Variants in SEPTIN6 observed in about 807,000 individuals in gnomAD.
SEPTIN6 encodes septin 6.
A neutral mutation model predicts 33.6 loss-of-function variants in SEPTIN6; 8 were observed. The ratio of observed to expected loss-of-function variants is 0.24; its 90% CI spans 0.14 to 0.43. SEPTIN6 has a LOEUF of 0.43. Ranked by LOEUF, SEPTIN6 falls within the 20% of genes least tolerant of loss-of-function variation. The probability of loss-of-function intolerance (pLI) is 1.00; values close to 1 mark genes in which losing one functional copy is unlikely to be tolerated. For missense variants in SEPTIN6, 250 were observed against 340.8 expected (o/e 0.73, Z 2.10); for synonymous variants, 131 against 140.0 (o/e 0.94, Z 0.45).
chrX:119,629,278 G>A (rs753702514), intron 9 of SEPTIN6, 40 bp downstream of exon 9: 2 of 1,176,231 alleles, frequency 1.7e-6, no homozygotes, highest in Non-Finnish European at 2.3e-6. Context: ...ATGAGCAGGA[G>A]GAAAGAGAAG....
chrX:119,632,248 T>C (rs1204496648), intron 8 of SEPTIN6, among the ~76,000 whole-genome samples: 4 of 107,913 alleles, frequency 3.7e-5, no homozygotes, highest in Non-Finnish European at 7.7e-5. Flanking sequence ...CAGGCTGGAG[T>C]ACAGTGGCGC....
chrX:119,648,585 G>A (rs1168425811), intron 5 of SEPTIN6, among the ~76,000 whole-genome samples: 2 of 111,634 alleles, frequency 1.8e-5, no homozygotes, highest in African/African-American at 6.5e-5. Flanking sequence ...GCTCCAGATA[G>A]CCTTACCCTT....
intron 1 of SEPTIN6, among the ~76,000 whole-genome samples, chrX:119,683,824 G>A (rs2055004639): frequency 9.0e-6 from 1 of 111,584 alleles, no homozygotes; most frequent in African/African-American, 3.3e-5. Flanking sequence ...CAACCAAAAA[G>A]GTGCCTGACA....
chrX:119,636,568 G>C (rs1407267497), intron 7 of SEPTIN6, among the ~76,000 whole-genome samples: 4 of 111,603 alleles, frequency 3.6e-5, no homozygotes, highest in Non-Finnish European at 7.5e-5. Context: ...ATCTGGGTTT[G>C]AGAATGGGGA....
In SEPTIN6 at chrX:119,657,227, A is replaced by C. The variant is rs567412364; in HGVS notation, c.342-4187T>G. On this transcript the variant is annotated intron_variant, in intron 3 of 10. Transcript: ENST00000394610. ...GAGTGAGATTCCGTCTCAAAAAAAA[A>C]AAAAACAAAACAAAAAAACTGTGCC... is the stretch of plus-strand genomic sequence containing the variant. Among the ~76,000 whole-genome samples, 56 of 109,258 alleles carry C rather than the reference A, an allele frequency of 5.1e-4. 1 individual carries two copies. In the South Asian group the frequency reaches 0.021, roughly 41 times the overall value. The allele number at this position is 109,258 out of a possible 115,157, so 94.9% of individuals were successfully genotyped here. A position where few individuals can be genotyped will look rare whatever the true frequency, so the allele number is the denominator to read the frequency against.
At chrX:119,665,909 G>A (rs773245767) in intron 2 of SEPTIN6, among the ~76,000 whole-genome samples, 13 of 109,814 alleles carry the variant, frequency 1.2e-4, no homozygotes, top group East Asian at 8.6e-4. Context: ...GTGAAACCCC[G>A]TCTCTACTAA....
intron 6 of SEPTIN6, among the ~76,000 whole-genome samples, chrX:119,640,168 C>CCTT (rs2054133271): frequency 5.0e-5 from 1 of 20,174 alleles, no homozygotes; most frequent in Non-Finnish European, 8.3e-5. Flanking sequence ...ACTATCCAGT[C>CCTT]TTTTTTTTTT....
In SEPTIN6 at chrX:119,669,418, G is replaced by C. The variant is rs377186105; in HGVS notation, c.146-5741C>G. ...AGAGAAACGTCTCTGAGTTCAACAG[G>C]GAGGTGCCCAAAAGGAAACATTCCA... is the stretch of plus-strand genomic sequence containing the variant. On this transcript the variant is annotated intron_variant, in intron 2 of 10. Transcript: ENST00000394610. Among the ~76,000 whole-genome samples, 5 of 112,369 alleles carry C rather than the reference G, an allele frequency of 4.4e-5. No individual in the cohort carries two copies. In the South Asian group the frequency reaches 1.8e-3, roughly 41 times the overall value.
chrX:119,683,630 A>C (rs1460491488), intron 1 of SEPTIN6, among the ~76,000 whole-genome samples: 1 of 112,589 alleles, frequency 8.9e-6, no homozygotes, highest in Non-Finnish European at 1.9e-5. Context: ...AAATAATGTC[A>C]GTGATTTCTT....
chrX:119,688,615 G>A (rs1291447014), intron 1 of SEPTIN6, among the ~76,000 whole-genome samples: 16 of 108,016 alleles, frequency 1.5e-4, no homozygotes, highest in Non-Finnish European at 2.9e-4. Flanking sequence ...GCTGAGGCAG[G>A]ATAATTTCTT....
At chrX:119,624,714 T>C in intron 10 of SEPTIN6, among the ~76,000 whole-genome samples, 1 of 110,725 alleles carries the variant, frequency 9.0e-6, no homozygotes, top group East Asian at 2.8e-4. Flanking sequence ...TGGTTATAGC[T>C]CCTTTTGTTT....
At chrX:119,637,548 T>A (rs1205886897) in intron 6 of SEPTIN6, among the ~76,000 whole-genome samples, 2 of 108,429 alleles carry the variant, frequency 1.8e-5, no homozygotes, top group Non-Finnish European at 3.8e-5. Context: ...CACTCATCCA[T>A]CCATCCATCT....
chrX:119,677,405 G>A (rs1350418034), intron 1 of SEPTIN6, among the ~76,000 whole-genome samples: 1 of 112,312 alleles, frequency 8.9e-6, no homozygotes, highest in African/African-American at 3.2e-5. Flanking sequence ...GGGGAGGGGA[G>A]GGGACAGGGG....
chrX:119,633,588 C>T (rs1374435393), intron 7 of SEPTIN6, 96 bp from the exon 8 acceptor site: 1 of 1,051,286 alleles, frequency 9.5e-7, no homozygotes, highest in Admixed American at 3.0e-5. Flanking sequence ...TCTGTCCTCC[C>T]TTCCCCAGTT....
chrX:119,687,468 C>G (rs2147662977), intron 1 of SEPTIN6, among the ~76,000 whole-genome samples: 1 of 110,938 alleles, frequency 9.0e-6, no homozygotes, highest in East Asian at 2.8e-4. Flanking sequence ...CCAGAATGGT[C>G]TGGATCTCCT....
intron 1 of SEPTIN6, among the ~76,000 whole-genome samples, chrX:119,685,672 T>A (rs1311006605): frequency 9.0e-6 from 1 of 111,099 alleles, no homozygotes; most frequent in African/African-American, 3.3e-5. Context: ...AAAAGCTGAC[T>A]CAAGTGGCAC....
chrX:119,684,268 A>G (rs1013685525), intron 1 of SEPTIN6, among the ~76,000 whole-genome samples: 35 of 111,046 alleles, frequency 3.2e-4, no homozygotes, highest in African/African-American at 1.1e-3. Context: ...TTATTATTAC[A>G]TATTATATAT....
intron 1 of SEPTIN6, 61 bp downstream of exon 1, chrX:119,693,015 G>A (rs1238018420): frequency 7.1e-6 from 8 of 1,123,393 alleles, no homozygotes; most frequent in Non-Finnish European, 9.6e-6. Context: ...GCGGCGGCCA[G>A]GTCTCCTTGA....
chrX:119,686,686 C>T (rs754915235), intron 1 of SEPTIN6: 31 of 727,512 alleles, frequency 4.3e-5, no homozygotes, highest in Admixed American at 9.4e-5. Context: ...ATTTATTCTG[C>T]GCCCCCCACT....
Sources: allele counts gnomAD v4.1 joint callset (sites outside exome capture counted in the v4.1 genomes callset), GRCh38; gene constraint gnomAD v4.1.1; transcripts MANE v1.5; gene names NCBI Gene and HGNC (gene_info 2026-07-23, HGNC 2026-07-21).